Variants in SUCLA2 observed in about 807,000 individuals in gnomAD.
SUCLA2 encodes succinate-CoA ligase ADP-forming subunit beta.
SUCLA2 carries 30 observed loss-of-function variants against 54.8 expected under a neutral mutation model. That is an observed-to-expected ratio of 0.55 (90% CI 0.41 to 0.74). SUCLA2 has a LOEUF of 0.74. SUCLA2 is among the 30% of genes least tolerant of loss of function. The pLI, the probability that SUCLA2 is intolerant of heterozygous loss-of-function variation, is 0.00. For missense variants in SUCLA2, 476 were observed against 562.9 expected, an observed-to-expected ratio of 0.85 and a Z score of 1.56; for synonymous variants, 172 against 188.9, an observed-to-expected ratio of 0.91 and a Z score of 0.74.
intron 4 of SUCLA2, 53 bp downstream of exon 4, chr13:47,988,488 G>A: frequency 6.3e-7 from 1 of 1,587,930 alleles, no homozygotes; most frequent in South Asian, 1.1e-5. Context: ...ATGGACTTTT[G>A]AAATTGAATG....
intron 4 of SUCLA2, among the ~76,000 whole-genome samples, chr13:47,983,372 GA>G (rs1371457821): frequency 2.1e-5 from 2 of 94,118 alleles, no homozygotes; most frequent in South Asian, 3.1e-4. Flanking sequence ...TCATGCCACT[GA>G]AATAGAATAT....
chr13:47,971,314 G>A (rs1200012517), intron 5 of SUCLA2: 1 of 150,456 alleles, frequency 6.6e-6, no homozygotes, highest in Non-Finnish European at 1.5e-5. Context: ...CTACTTGGGA[G>A]GCTGAGGTGG....
intron 2 of SUCLA2, among the ~76,000 whole-genome samples, chr13:47,990,219 A>C (rs565051694): frequency 2.7e-4 from 41 of 152,130 alleles, no homozygotes; most frequent in Non-Finnish European, 2.9e-5. Context: ...ATGGTGGTAC[A>C]TGTCTGTAAT....
chr13:47,980,121 A>C (rs538629179), intron 4 of SUCLA2, among the ~76,000 whole-genome samples: 50 of 152,346 alleles, frequency 3.3e-4, no homozygotes, highest in Middle Eastern at 3.4e-3. Context: ...AGGGAATTAA[A>C]GAAGACACAA....
chr13:47,982,786 TTAAGA>T (rs1013795632), intron 4 of SUCLA2, among the ~76,000 whole-genome samples: 1 of 152,054 alleles, frequency 6.6e-6, no homozygotes, highest in Admixed American at 6.6e-5. Context: ...CTGCCACACA[TTAAGA>T]TGCTAGCAAG....
intron 6 of SUCLA2, among the ~76,000 whole-genome samples, chr13:47,967,194 T>C (rs112577954): frequency 0.024 from 3,703 of 152,236 alleles, 141 homozygotes; most frequent in Admixed American, 0.1. Context: ...TTCTAAATGT[T>C]GGGTAGCCCA....
At chr13:47,972,681 A>G (rs948199529) in intron 5 of SUCLA2, among the ~76,000 whole-genome samples, 1 of 150,642 alleles carries the variant, frequency 6.6e-6, no homozygotes, top group Non-Finnish European at 1.5e-5. Flanking sequence ...AAAAAAAAAA[A>G]AAAGAAAGAA....
chr13:47,989,515 C>T (rs975796703), intron 2 of SUCLA2, among the ~76,000 whole-genome samples: 5 of 151,104 alleles, frequency 3.3e-5, no homozygotes, highest in African/African-American at 1.2e-4. Context: ...GGATTACAGG[C>T]ATGAGCCACC....
intron 2 of SUCLA2, chr13:47,994,813 C>T (rs1333883411): frequency 1.4e-5 from 14 of 985,122 alleles, no homozygotes; most frequent in African/African-American, 7.0e-5. Flanking sequence ...CTTCTTATTA[C>T]TTGTGAGTTC....
intron 1 of SUCLA2, among the ~76,000 whole-genome samples, chr13:47,999,893 AAAT>A (rs1260238242): frequency 6.6e-6 from 1 of 152,168 alleles, no homozygotes; most frequent in East Asian, 1.9e-4. Context: ...GTTATAAAGA[AAAT>A]AATATTGGAA....
chr13:47,995,636 T>C (rs893009408), intron 2 of SUCLA2, among the ~76,000 whole-genome samples: 9 of 152,150 alleles, frequency 5.9e-5, no homozygotes, highest in Admixed American at 4.6e-4. Flanking sequence ...TCTTAAAAAA[T>C]ATAAAAGCAA....
intron 4 of SUCLA2, among the ~76,000 whole-genome samples, chr13:47,981,743 G>A (rs1204960344): frequency 1.3e-5 from 2 of 152,222 alleles, no homozygotes; most frequent in African/African-American, 4.8e-5. Flanking sequence ...TTGAACCCAG[G>A]AGGCGGAGGT....
intron 2 of SUCLA2, among the ~76,000 whole-genome samples, chr13:47,991,218 C>T (rs1950146992): frequency 1.3e-5 from 2 of 152,232 alleles, no homozygotes; most frequent in African/African-American, 2.4e-5. Flanking sequence ...CAGTTAAATG[C>T]CAAAGTGCTT....
chr13:47,985,479 C>CA (rs1297508468), intron 4 of SUCLA2, among the ~76,000 whole-genome samples: 1 of 144,828 alleles, frequency 6.9e-6, no homozygotes, highest in Non-Finnish European at 1.5e-5. Flanking sequence ...TAAGTGAAAA[C>CA]ACACGGTGTT....
At chr13:47,970,330 T>A (rs1949952425) in intron 5 of SUCLA2, among the ~76,000 whole-genome samples, 3 of 152,194 alleles carry the variant, frequency 2.0e-5, no homozygotes, top group Non-Finnish European at 4.4e-5. Context: ...CTAGGCTCTA[T>A]TTCCACTCAT....
At chr13:47,991,206 C>T (rs1950146927) in intron 2 of SUCLA2, among the ~76,000 whole-genome samples, 1 of 152,186 alleles carries the variant, frequency 6.6e-6, no homozygotes, top group Non-Finnish European at 1.5e-5. Context: ...GCCAGTCTCA[C>T]TCAGTTAAAT....
intron 4 of SUCLA2, among the ~76,000 whole-genome samples, chr13:47,986,093 C>A (rs193070089): frequency 6.9e-6 from 1 of 144,654 alleles, no homozygotes; most frequent in East Asian, 2.1e-4. Flanking sequence ...TGCAGTAGCA[C>A]AACCTCGGCT....
At chr13:47,960,008 G>A (rs1208394591) in intron 6 of SUCLA2, among the ~76,000 whole-genome samples, 1 of 152,078 alleles carries the variant, frequency 6.6e-6, no homozygotes, top group Non-Finnish European at 1.5e-5. Context: ...GATGTATGGT[G>A]ATATTGGTGG....
chr13:47,949,323 C>T (rs1291987042), intron 9 of SUCLA2, among the ~76,000 whole-genome samples, 160 bp downstream of exon 9: 1 of 151,966 alleles, frequency 6.6e-6, no homozygotes, highest in Non-Finnish European at 1.5e-5. Context: ...ACATTTTGCC[C>T]CAATGTTAAA....
Sources: allele counts gnomAD v4.1 joint callset (sites outside exome capture counted in the v4.1 genomes callset), GRCh38; gene constraint gnomAD v4.1.1; transcripts MANE v1.5; gene names NCBI Gene and HGNC (gene_info 2026-07-23, HGNC 2026-07-21).